Variants in RIMS2 observed in about 807,000 individuals in gnomAD.
RIMS2 encodes regulating synaptic membrane exocytosis 2, also known as regulating synaptic membrane exocytosis protein 2.
RIMS2 carries 59 observed loss-of-function variants against 174.4 expected under a neutral mutation model. The ratio of observed to expected loss-of-function variants is 0.34; its 90% CI spans 0.27 to 0.42. The LOEUF (loss-of-function observed/expected upper bound fraction) is 0.42, where lower values mean the gene tolerates loss of function less well. Among genes scored for constraint, RIMS2 ranks in the 10% least tolerant of loss-of-function variants. The pLI is 1.00. For missense variants in RIMS2, 1,620 were observed against 1,666.3 expected (o/e 0.97, Z 0.48); for synonymous variants, 606 against 572.5 (o/e 1.06, Z -0.84).
intron 3 of RIMS2, among the ~76,000 whole-genome samples, chr8:103,839,081 T>G (rs2098923527): frequency 6.6e-6 from 1 of 152,108 alleles, no homozygotes; most frequent in African/African-American, 2.4e-5. Flanking sequence ...AAAGGCCTAT[T>G]AATCTGCTGA....
intron 19 of RIMS2, among the ~76,000 whole-genome samples, chr8:104,051,977 A>C (rs1308776708): frequency 6.6e-6 from 1 of 152,130 alleles, no homozygotes. Flanking sequence ...TAGTCTCTAC[A>C]GCTTTGTTAT....
intron 1 of RIMS2, chr8:103,568,506 TG>T: frequency 3.2e-6 from 1 of 310,474 alleles, no homozygotes; most frequent in Non-Finnish European, 6.3e-6. Flanking sequence ...TTAATGTTGT[TG>T]GAACAATCCT....
chr8:104,118,660 G>A (rs573985107), intron 19 of RIMS2, among the ~76,000 whole-genome samples: 1 of 151,984 alleles, frequency 6.6e-6, no homozygotes, highest in Admixed American at 6.6e-5. Flanking sequence ...TGAGCCACCG[G>A]GCCCGACCAA....
At chr8:104,090,945 C>G (rs886708677) in intron 19 of RIMS2, among the ~76,000 whole-genome samples, 20 of 151,750 alleles carry the variant, frequency 1.3e-4, no homozygotes, top group Non-Finnish European at 4.4e-5. Context: ...CAGTCTTTGG[C>G]TACTGTTTAA....
chr8:103,785,961 G>A (rs1007041124), intron 3 of RIMS2, among the ~76,000 whole-genome samples: 1 of 152,134 alleles, frequency 6.6e-6, no homozygotes, highest in African/African-American at 2.4e-5. Context: ...TGTTATTGGT[G>A]TATTCAGAGA....
chr8:103,822,522 T>C lies in RIMS2; in HGVS notation c.698+55985T>C, dbSNP rs148324882. ...AAATTTATCTATGAGTAATAATTAT[T>C]AAAATATTTTAGACTAACTTTTTGT... On this transcript the variant is annotated intron_variant, in intron 3 of 23. Transcript: ENST00000504942. 2.1e-4 allele frequency among the ~76,000 whole-genome samples: 32 copies of C among 151,984 alleles called. No homozygotes were observed. In the East Asian group the frequency reaches 4.4e-3, roughly 21 times the overall value.
intron 1 of RIMS2, among the ~76,000 whole-genome samples, chr8:103,618,430 T>C (rs1405854976): frequency 6.6e-6 from 1 of 152,062 alleles, no homozygotes; most frequent in Admixed American, 6.5e-5. Flanking sequence ...ATTTGTAAAT[T>C]GGCAGTACAG....
chr8:104,238,415 T>C (rs1356881493), intron 19 of RIMS2, among the ~76,000 whole-genome samples: 1 of 151,242 alleles, frequency 6.6e-6, no homozygotes, highest in Non-Finnish European at 1.5e-5. Context: ...TGTATACCTA[T>C]GTAACAAACC....
Position 103,815,243 on chromosome 8 carries a change from A to C in RIMS2, c.698+48706A>C, listed in dbSNP as rs79414081. 6.1e-3 allele frequency among the ~76,000 whole-genome samples: 933 copies of C among 152,286 alleles called. 12 individuals carry two copies. The highest frequency in any genetic ancestry group is 0.021 in the African/African-American group (883 of 41,566). ...TGTACCAATGTACACTCCTACCAAT[A>C]AACATGGTATGAGACTGTGCGTTTT... On this transcript the variant is annotated intron_variant, in intron 3 of 23. Coordinates refer to ENST00000504942, the Ensembl canonical transcript of RIMS2.
At position 104,189,296 on chromosome 8, in the gene RIMS2, T is replaced by G. The variant is rs146516325; in HGVS notation, c.3335-55620T>G. ...TTAAACCATTTACAGCTTTTGGCAC[T>G]AGAGACACATTCCACCACCTACAAA... On this transcript the variant is annotated intron_variant, in intron 19 of 23. Transcript: ENST00000504942. Among the ~76,000 whole-genome samples the G allele has an allele frequency of 3.3e-3, 508 of 151,994 alleles. 6 individuals carry two copies. Among genetic ancestry groups the G allele is most frequent in the Middle Eastern group, 6.8e-3 (2 of 294 alleles).
intron 2 of RIMS2, among the ~76,000 whole-genome samples, chr8:103,741,568 G>T (rs1347012419): frequency 6.6e-6 from 1 of 151,790 alleles, no homozygotes; most frequent in Non-Finnish European, 1.5e-5. Flanking sequence ...TCTGTTTCTG[G>T]GAGTTATACC....
chr8:103,716,452 A>C (rs2097369120), intron 2 of RIMS2, 132 bp downstream of exon 5: 1 of 152,148 alleles, frequency 6.6e-6, no homozygotes, highest in Admixed American at 6.5e-5. Context: ...GTAATTGCTA[A>C]ACATTATGGC....
chr8:103,814,920 C>G (rs2098709898), intron 3 of RIMS2, among the ~76,000 whole-genome samples: 1 of 152,082 alleles, frequency 6.6e-6, no homozygotes, highest in Non-Finnish European at 1.5e-5. Flanking sequence ...CACATGAAAA[C>G]TAATAATCTA....
chr8:103,638,802 G>T (rs2096153318), intron 1 of RIMS2, among the ~76,000 whole-genome samples: 1 of 152,000 alleles, frequency 6.6e-6, no homozygotes, highest in South Asian at 2.1e-4. Context: ...CAATTGGGAT[G>T]TCACTGTTTC....
intron 16 of RIMS2, among the ~76,000 whole-genome samples, chr8:103,979,028 A>G (rs780951402): frequency 5.5e-4 from 83 of 152,222 alleles, no homozygotes; most frequent in Non-Finnish European, 5.9e-5. Context: ...ATTGTCTCTG[A>G]ATATTATTCA....
intron 19 of RIMS2, among the ~76,000 whole-genome samples, chr8:104,050,405 G>T (rs997824620): frequency 6.6e-6 from 1 of 152,064 alleles, no homozygotes; most frequent in African/African-American, 2.4e-5. Context: ...TAACCTAGTG[G>T]GATTGGGGTG....
intron 1 of RIMS2, among the ~76,000 whole-genome samples, chr8:103,592,042 C>T (rs2094288073): frequency 6.6e-6 from 1 of 150,946 alleles, no homozygotes; most frequent in South Asian, 2.1e-4. Flanking sequence ...TACTATATAC[C>T]TCTTGATTTA....
At chr8:103,958,151 C>T (rs2088247035) in intron 14 of RIMS2, among the ~76,000 whole-genome samples, 1 of 152,118 alleles carries the variant, frequency 6.6e-6, no homozygotes. Flanking sequence ...TGGAATTAAC[C>T]TAGATGCCCA....
intron 19 of RIMS2, among the ~76,000 whole-genome samples, chr8:104,204,800 C>A (rs891914852): frequency 6.6e-6 from 1 of 152,166 alleles, no homozygotes; most frequent in Non-Finnish European, 1.5e-5. Context: ...CTCCAGATTA[C>A]AACCCCTCTA....
Sources: gnomAD v4.1 joint callset for allele counts (sites outside exome capture counted in the v4.1 genomes callset) on GRCh38, gnomAD v4.1.1 for gene constraint, MANE v1.5 for transcripts, NCBI Gene and HGNC (gene_info 2026-07-23, HGNC 2026-07-21) for gene names.